Variants in TCF20 observed in about 807,000 individuals in gnomAD.
TCF20 encodes SPRE-binding protein.
TCF20 carries 3 observed loss-of-function variants against 148.6 expected under a neutral mutation model. That is an observed-to-expected ratio of 0.02 (90% confidence interval 0.01 to 0.05). The LOEUF (loss-of-function observed/expected upper bound fraction) is 0.05, where lower values mean the gene tolerates loss of function less well. TCF20 is among the 10% of genes least tolerant of loss of function. The pLI, the probability that TCF20 is intolerant of heterozygous loss-of-function variation, is 1.00. For synonymous variants in TCF20, 1,049 were observed against 909.5 expected (o/e 1.15, Z -2.76); for missense variants, 2,350 against 2,429.3 (o/e 0.97, Z 0.69).
Position 42,297,570 on chromosome 22 carries a change from A to G in TCF20, c.-37+45909T>C, listed in dbSNP as rs1354834925. Among the ~76,000 whole-genome samples the G allele has an allele frequency of 6.6e-6, 1 of 152,188 alleles. No individual in the cohort carries two copies. Among genetic ancestry groups the G allele is most frequent in the African/African-American group, 2.4e-5 (1 of 41,458 alleles). ...CAGACACTGGGGAGGGGCAGTTCAC[A>G]GGGTCAGCCATGAAAGCCCATGATC... On this transcript the variant is annotated intron_variant, in intron 1 of 1. Transcript: ENST00000515426. This position sits in a 1 kb window ranked among gnomAD's most constrained non-coding sequence, Gnocchi z 4.3.
intron 1 of TCF20, among the ~76,000 whole-genome samples, chr22:42,307,322 T>A (rs1457888092): frequency 2.0e-5 from 3 of 152,184 alleles, no homozygotes; most frequent in Admixed American, 2.0e-4. Context: ...GTTCCTTCAT[T>A]CCCTGCCTTC....
chr22:42,160,052 ATTTT>A lies in TCF20; in HGVS notation c.*1347_*1350del, dbSNP rs1021100144. On this transcript the variant is annotated 3_prime_UTR_variant, in exon 6 of 6. Coordinates refer to ENST00000677622, the MANE Select transcript of TCF20 (RefSeq NM_001378418.1). ...AGTTTATTATTTTTTTGATTTTTTG[ATTTT>A]TTTTGTTTTTTGTTTTTTTAAATAA... 3 of 152,276 alleles carry A rather than the reference ATTTT, an allele frequency of 2.0e-5. No homozygotes were observed. Among genetic ancestry groups the A allele is most frequent in the East Asian group, 1.9e-4 (1 of 5,194 alleles). 9.4% of individuals were successfully genotyped at this position (152,276 alleles called of 1,614,324 possible).
chr22:42,196,812 G>C (rs1395246641), intron 2 of TCF20, among the ~76,000 whole-genome samples: 1 of 152,172 alleles, frequency 6.6e-6, no homozygotes, highest in Non-Finnish European at 1.5e-5. Context: ...AGGGCACCCA[G>C]GTCCCACTGG....
At position 42,317,891 on chromosome 22, in the gene TCF20, G is replaced by T. The variant is rs780478224; in HGVS notation, c.-37+25588C>A. Among the ~76,000 whole-genome samples the T allele has an allele frequency of 6.6e-6, 1 of 152,202 alleles. No individual in the cohort carries two copies. Among genetic ancestry groups the T allele is most frequent in the African/African-American group, 2.4e-5 (1 of 41,452 alleles). On this transcript the variant is annotated intron_variant, in intron 1 of 1. Transcript: ENST00000515426. The surrounding 1 kb of genome is among the most constrained non-coding windows in gnomAD (Gnocchi z 4.2). The stretch of plus-strand genomic sequence containing the variant: ...CAGATCCCACTCGAGCCCAGGCGGG[G>T]CACCCTCCTGGCTGCCTGCCGTGCA...
In TCF20 at chr22:42,215,349, T is replaced by G; in HGVS notation, c.-36-8A>C. 6.4e-7 allele frequency: 1 copy of G among 1,555,072 alleles called. No homozygotes were observed. The highest frequency in any genetic ancestry group is 8.7e-7 in the Non-Finnish European group (1 of 1,153,312). On this transcript the variant is annotated splice_region_variant and splice_polypyrimidine_tract_variant and intron_variant, in intron 1 of 5. Coordinates refer to ENST00000677622, the MANE Select transcript of TCF20 (RefSeq NM_001378418.1). Reference sequence around the variant, plus strand: ...AGCAGGCCAACAGCCCTCCTAGAAATAGAAGAAAGAAAAACATTAGACACG... The same window carrying G: ...AGCAGGCCAACAGCCCTCCTAGAAAGAGAAGAAAGAAAAACATTAGACACG...
chr22:42,318,426 G>A (rs937938096), intron 1 of TCF20, among the ~76,000 whole-genome samples: 1 of 152,206 alleles, frequency 6.6e-6, no homozygotes, highest in Non-Finnish European at 1.5e-5. Flanking sequence ...GAGAGGAGAG[G>A]GGAGGAGGAG....
At chr22:42,307,200 A>G (rs919180417) in intron 1 of TCF20, among the ~76,000 whole-genome samples, 1 of 152,224 alleles carries the variant, frequency 6.6e-6, no homozygotes, top group South Asian at 2.1e-4. Context: ...TGCAGTAGCT[A>G]CAACCAGCAT....
chr22:42,336,598 G>T (rs1198883655), intron 1 of TCF20, among the ~76,000 whole-genome samples: 1 of 152,068 alleles, frequency 6.6e-6, no homozygotes, highest in African/African-American at 2.4e-5. Context: ...GCCACCTTTA[G>T]AATAAAATCC....
intron 2 of TCF20, among the ~76,000 whole-genome samples, chr22:42,205,330 T>G (rs980097711): frequency 6.4e-5 from 9 of 140,176 alleles, no homozygotes; most frequent in Non-Finnish European, 1.4e-4. Flanking sequence ...AACACCATTT[T>G]TAAATATAGA....
chr22:42,219,558 C>G (rs536409515), intron 1 of TCF20, among the ~76,000 whole-genome samples: 98 of 151,652 alleles, frequency 6.5e-4, no homozygotes, highest in African/African-American at 2.3e-3. Flanking sequence ...AACTTGCATA[C>G]ACACTCTAAA....
rs1231359012 is a variant in TCF20, at chr22:42,213,107, C to G, written c.2199G>C (p.Lys733Asn). 1 of 1,614,160 alleles carries G rather than the reference C, an allele frequency of 6.2e-7. No individual in the cohort carries two copies. ...GTTCCCCATGGCCAGTGAAATCTCC[C>G]TTTTCTTGCCCTGTAGGATACTGAG... Reference protein sequence around the residue: ...GFPQYPTGQEKGDFTGHGERK... With the variant: ...GFPQYPTGQENGDFTGHGERK... The change falls in exon 2 of 6, where the codon AAG (lysine) becomes AAC (asparagine). Residue 733 changes from lysine (K) to asparagine (N), a missense_variant. By Grantham distance (94) the Lys-to-Asn change is moderately conservative. Transcript: ENST00000677622.
rs1927160651 is a variant in TCF20 at position 42,292,995 on chromosome 22, C to T, written c.-37+50484G>A. On this transcript the variant is annotated intron_variant, in intron 1 of 1. Coordinates refer to the TCF20 transcript ENST00000515426. The surrounding 1 kb of genome is among the most constrained non-coding windows in gnomAD (Gnocchi z 4.9). ...GGCCTCATAGGCAGGGCAGAAAGGCCAGGGAGTGGGGCCCAGCTCTGGGGC... is the reference window on the plus strand; with the variant it reads ...GGCCTCATAGGCAGGGCAGAAAGGCTAGGGAGTGGGGCCCAGCTCTGGGGC... 2.0e-5 allele frequency among the ~76,000 whole-genome samples: 3 copies of T among 151,758 alleles called. No individual in the cohort carries two copies. The South Asian group carries it at 6.3e-4, about 32-fold the overall frequency.
chr22:42,278,814 C>T (rs574381265), intron 1 of TCF20: 79 of 152,394 alleles, frequency 5.2e-4, no homozygotes, highest in African/African-American at 1.9e-3. Context: ...GACGCTAAGG[C>T]TCAGAGCAAT....
At chr22:42,169,722 A>G in intron 4 of TCF20, 125 bp downstream of exon 4, 1 of 962,204 alleles carries the variant, frequency 1.0e-6, no homozygotes, top group Non-Finnish European at 1.6e-6. Flanking sequence ...GGAGGGGACT[A>G]ACAGCCGGAG....
At chr22:42,250,476 C>A (rs573720046) in intron 1 of TCF20, among the ~76,000 whole-genome samples, 1 of 148,506 alleles carries the variant, frequency 6.7e-6, no homozygotes, top group African/African-American at 2.5e-5. Context: ...AAAGGTGAAC[C>A]TTCAATGAGA....
Position 42,212,489 on chromosome 22 carries a change from T to C in TCF20, c.2817A>G (p.Gln939=). ...CAGATTTCTTGTTGTTGAAACTAGCTTGAGATTTAGACTGTTCAAAGTCTT... is the reference window on the plus strand; with the variant it reads ...CAGATTTCTTGTTGTTGAAACTAGCCTGAGATTTAGACTGTTCAAAGTCTT... ...KEEDFEQSKS[Q]ASFNNKKSGD... is the part of the protein sequence containing the mutation. Residue 939 remains glutamine (Q), a synonymous_variant, in exon 2 of 6, where the codon CAA becomes CAG. Transcript: ENST00000677622. 6.2e-7 allele frequency: 1 copy of C among 1,614,222 alleles called. No individual in the cohort carries two copies. The highest frequency in any genetic ancestry group is 1.1e-5 in the South Asian group (1 of 91,084).
intron 1 of TCF20, among the ~76,000 whole-genome samples, chr22:42,322,392 G>A (rs1927749091): frequency 6.6e-6 from 1 of 151,832 alleles, no homozygotes; most frequent in South Asian, 2.1e-4. Context: ...GTCAGAGAGA[G>A]GAGAAGGGGG....
intron 2 of TCF20, among the ~76,000 whole-genome samples, chr22:42,188,373 G>A (rs988558724): frequency 4.8e-5 from 7 of 147,062 alleles, no homozygotes; most frequent in South Asian, 2.2e-4. Context: ...CTGCAATAAT[G>A]TGAAGGTAAC....
At chr22:42,223,622 G>A (rs1922580229) in intron 1 of TCF20, among the ~76,000 whole-genome samples, 2 of 152,162 alleles carry the variant, frequency 1.3e-5, no homozygotes, top group Admixed American at 1.3e-4. Context: ...AATGAGATAA[G>A]ATATATAATA....
Sources: allele counts gnomAD v4.1 joint callset (sites outside exome capture counted in the v4.1 genomes callset), GRCh38; gene constraint gnomAD v4.1.1; non-coding constraint Gnocchi (gnomAD v3.1); transcripts MANE v1.5; gene names NCBI Gene and HGNC (gene_info 2026-07-23, HGNC 2026-07-21).